TRIM37: variants seen among roughly 807,000 people sequenced by gnomAD.
The protein encoded by TRIM37 is tripartite motif containing 37, also known as E3 ubiquitin-protein ligase TRIM37.
Under a neutral mutation model 129.8 loss-of-function variants are expected in TRIM37, and 80 were observed. That is an observed-to-expected ratio of 0.62 (90% CI 0.51 to 0.74). The LOEUF (loss-of-function observed/expected upper bound fraction) is 0.74. Among genes scored for constraint, TRIM37 ranks in the 30% least tolerant of loss-of-function variants. The probability of loss-of-function intolerance (pLI) is 0.00; values close to 1 mark genes in which losing one functional copy is unlikely to be tolerated. For synonymous variants in TRIM37, 389 were observed against 387.1 expected (o/e 1.00, Z -0.06); for missense variants, 1,054 against 1,176.5 (o/e 0.90, Z 1.52).
chr17:59,079,388 G>A (rs749797180), intron 7 of TRIM37, among the ~76,000 whole-genome samples: 9 of 152,136 alleles, frequency 5.9e-5, no homozygotes, highest in African/African-American at 1.2e-4. Flanking sequence ...AGGGGATGAC[G>A]CCGATGTTTA....
At position 59,062,651 on chromosome 17, in the gene TRIM37, A is replaced by G. The variant is rs369795870; in HGVS notation, c.861-3T>C. 3.1e-6 allele frequency: 5 copies of G among 1,613,668 alleles called. No individual in the cohort carries two copies. Among genetic ancestry groups the G allele is most frequent in the Non-Finnish European group, 4.2e-6 (5 of 1,179,746 alleles). On this transcript the variant is annotated splice_region_variant and splice_polypyrimidine_tract_variant and intron_variant, in intron 10 of 23. Transcript: ENST00000262294. Reference sequence around the variant, plus strand: ...GATCTGCTCTCTGACGCAAAGTGCTAACGAAAAAGAAAACCAACCAAATCC... The same window carrying G: ...GATCTGCTCTCTGACGCAAAGTGCTGACGAAAAAGAAAACCAACCAAATCC...
intron 22 of TRIM37, 98 bp downstream of exon 22, chr17:59,012,230 C>CAGCAGCAGCAGCACCAT: frequency 2.6e-6 from 1 of 383,462 alleles, no homozygotes; most frequent in South Asian, 2.4e-5. Context: ...AGCAGCAGCA[C>CAGCAGCAGCAGCACCAT]CACCACCACC....
intron 13 of TRIM37, among the ~76,000 whole-genome samples, chr17:59,053,916 T>C (rs756162484): frequency 4.1e-5 from 6 of 147,854 alleles, no homozygotes; most frequent in South Asian, 2.2e-4. Context: ...CTGGGCAATA[T>C]AGCAAGACAC....
Position 59,079,800 on chromosome 17 carries a change from A to C in TRIM37, c.570T>G (p.Ile190Met). Residue 190 changes from isoleucine (I) to methionine (M), a missense_variant, in exon 7 of 24, where the codon ATT becomes ATG. This residue lies in a region of TRIM37 where 752 missense variants were observed against 870.8 expected (regional missense o/e 0.86). Coordinates refer to ENST00000262294, the MANE Select transcript of TRIM37 (RefSeq NM_015294.6). ...REIRNAVEMM[I>M]ARLDTQLKNK... ...TCTTCAGCTGTGTGTCTAACCGTGC[A>C]ATCATCATCTCCACTGCATTCCTAA... The C allele has an allele frequency of 6.2e-7, 1 of 1,614,132 alleles. No homozygotes were observed. Among genetic ancestry groups the C allele is most frequent in the Non-Finnish European group, 8.5e-7 (1 of 1,179,994 alleles).
chr17:58,995,542 C>T (rs1225223989), downstream of TRIM37, among the ~76,000 whole-genome samples: 1 of 151,982 alleles, frequency 6.6e-6, no homozygotes, highest in Non-Finnish European at 1.5e-5. Context: ...AAATAAATAT[C>T]CATCATATAT....
At chr17:59,064,546 A>G in intron 9 of TRIM37, 141 bp from the exon 10 acceptor site, 2 of 638,756 alleles carry the variant, frequency 3.1e-6, no homozygotes, top group South Asian at 4.1e-5. Flanking sequence ...TTTATTGAAC[A>G]TAACATTAAA....
At chr17:59,097,076 A>G (rs1011359999) in intron 2 of TRIM37, among the ~76,000 whole-genome samples, 5 of 152,210 alleles carry the variant, frequency 3.3e-5, no homozygotes, top group Non-Finnish European at 5.9e-5. Flanking sequence ...ATATCCTTTC[A>G]TGATAAAAAT....
chr17:59,007,850 G>A lies in TRIM37; in HGVS notation c.2695+4478C>T, dbSNP rs577011840. On this transcript the variant is annotated intron_variant, in intron 22 of 23. Coordinates refer to ENST00000262294, the MANE Select transcript of TRIM37 (RefSeq NM_015294.6). ...ATTCCCAGCCAGTACCACAAACAACGCCTTAAAGTCCTCCAGACAACCTTC... is the reference window on the plus strand; with the variant it reads ...ATTCCCAGCCAGTACCACAAACAACACCTTAAAGTCCTCCAGACAACCTTC... Among the ~76,000 whole-genome samples the A allele has an allele frequency of 3.9e-5, 6 of 152,246 alleles. No homozygotes were observed. In the South Asian group the frequency reaches 8.3e-4, roughly 21 times the overall value.
chr17:58,999,421 G>A lies in TRIM37; in HGVS notation c.2851C>T (p.Pro951Ser). The change falls in exon 24 of 24, where the codon CCT (proline) becomes TCT (serine). Residue 951 changes from proline (P) to serine (S), a missense_variant. Physicochemically the swap from Pro to Ser is moderately conservative, Grantham distance 74. Around this residue, in one of 3 missense-constraint regions of TRIM37, gnomAD observed 287 missense variants for 274.3 expected, o/e 1.05. Coordinates refer to ENST00000262294, the MANE Select transcript of TRIM37 (RefSeq NM_015294.6). Reference protein sequence around the residue: ...SSFPDGEQIGPEDLSFNTDEN... With the variant: ...SSFPDGEQIGSEDLSFNTDEN... The stretch of plus-strand genomic sequence containing the variant: ...TCTGTATTGAAGCTGAGATCTTCAG[G>A]GCCTATTTGTTCACCATCAGGAAAA... The A allele has an allele frequency of 6.2e-7, 1 of 1,613,338 alleles. No individual in the cohort carries two copies. Among genetic ancestry groups the A allele is most frequent in the Non-Finnish European group, 8.5e-7 (1 of 1,179,760 alleles).
At chr17:59,091,068 A>T (rs1272673858) in intron 3 of TRIM37, among the ~76,000 whole-genome samples, 2 of 152,278 alleles carry the variant, frequency 1.3e-5, no homozygotes, top group Middle Eastern at 3.4e-3. Context: ...GTAAATTAAG[A>T]AGTTATACAA....
chr17:58,999,459 T>C lies in TRIM37; in HGVS notation c.2813A>G (p.Asp938Gly). 6.2e-7 allele frequency: 1 copy of C among 1,605,510 alleles called. No individual in the cohort carries two copies. Among genetic ancestry groups the C allele is most frequent in the Non-Finnish European group, 8.5e-7 (1 of 1,176,066 alleles). The change falls in exon 24 of 24, where the codon GAT (aspartate) becomes GGT (glycine). Residue 938 changes from aspartate to glycine, a missense_variant and splice_region_variant. By Grantham distance (94) the Asp-to-Gly change is moderately conservative (BLOSUM62 -1). Around this residue, in one of 3 missense-constraint regions of TRIM37, gnomAD observed 287 missense variants for 274.3 expected, o/e 1.05. Transcript: ENST00000262294. ...FMVMTQPPDE[D>G]THSSFPDGEQ... is the part of the protein sequence containing the mutation. ...ACCATCAGGAAAACTGGAATGTGTA[T>C]CTATGATTAAAAAATAAATAAAAAA...
chr17:59,001,850 C>A, intron 22 of TRIM37, 136 bp from the exon 23 acceptor site: 1 of 1,264,658 alleles, frequency 7.9e-7, no homozygotes, highest in Non-Finnish European at 1.1e-6. Context: ...AAACTAAACA[C>A]TAACAAAACA....
chr17:59,101,693 TATACACAC>T (rs1271166283), intron 2 of TRIM37, among the ~76,000 whole-genome samples: 3 of 118,588 alleles, frequency 2.5e-5, no homozygotes, highest in East Asian at 4.5e-4. Flanking sequence ...TATATATATA[TATACACAC>T]ACACACACAC....
intron 23 of TRIM37, among the ~76,000 whole-genome samples, chr17:59,000,135 A>G (rs2033503951): frequency 6.6e-6 from 1 of 152,234 alleles, no homozygotes; most frequent in Admixed American, 6.5e-5. Context: ...ACTTGACAGT[A>G]TATCCTTTTA....
At chr17:59,016,501 C>T (rs1036376285) in intron 20 of TRIM37, among the ~76,000 whole-genome samples, 34 of 146,700 alleles carry the variant, frequency 2.3e-4, no homozygotes, top group African/African-American at 8.3e-4. Context: ...TTGTGGCTCA[C>T]ACCTGTAATT....
At chr17:58,987,956 C>T (rs1020569054) in intron 24 of TRIM37, among the ~76,000 whole-genome samples, 1 of 152,174 alleles carries the variant, frequency 6.6e-6, no homozygotes, top group Non-Finnish European at 1.5e-5. Flanking sequence ...TTCTTCTACT[C>T]TTACAATGCA....
intron 9 of TRIM37, among the ~76,000 whole-genome samples, chr17:59,066,922 CTGAA>C (rs2041960513): frequency 6.6e-6 from 1 of 152,102 alleles, no homozygotes. Context: ...CATATATTCA[CTGAA>C]TGAATGTTTA....
chr17:59,064,480 C>T, intron 9 of TRIM37, 75 bp from the exon 10 acceptor site: 1 of 1,018,280 alleles, frequency 9.8e-7, no homozygotes. Flanking sequence ...AGCCAAGTCC[C>T]TCACTAGTAT....
At chr17:59,036,807 T>C (rs1568043640) in intron 17 of TRIM37, among the ~76,000 whole-genome samples, 1 of 152,044 alleles carries the variant, frequency 6.6e-6, no homozygotes, top group Non-Finnish European at 1.5e-5. Context: ...TTTAGACAAT[T>C]GTGTAGTTCT....
Sources: gnomAD v4.1 joint callset for allele counts (sites outside exome capture counted in the v4.1 genomes callset) on GRCh38, gnomAD v4.1.1 for gene constraint, gnomAD v4.1.1 regional missense constraint, MANE v1.5 for transcripts, NCBI Gene and HGNC (gene_info 2026-07-23, HGNC 2026-07-21) for gene names.